Variants in EMCN observed in about 807,000 individuals in gnomAD.
EMCN encodes the protein MUC-14.
In EMCN, 37 loss-of-function variants were observed where a neutral mutation model predicts 38.4. The observed-to-expected ratio is 0.96, with a 90% confidence interval of 0.74 to 1.27. The LOEUF (loss-of-function observed/expected upper bound fraction) is 1.27. Ranked by LOEUF, EMCN falls within the 50% of genes most tolerant of loss-of-function variation. EMCN has a pLI of 0.00. For missense variants in EMCN, 318 were observed against 302.8 expected, an observed-to-expected ratio of 1.05 and a Z score of -0.37; for synonymous variants, 95 against 100.8, an observed-to-expected ratio of 0.94 and a Z score of 0.35.
intron 3 of EMCN, among the ~76,000 whole-genome samples, chr4:100,466,723 T>G (rs1728326910): frequency 1.3e-5 from 2 of 152,136 alleles, no homozygotes; most frequent in South Asian, 4.1e-4. Context: ...GAAGTTGGTA[T>G]TCGTGTTAGC....
At chr4:100,475,658 C>CATTTTTT (rs1728617733) in intron 2 of EMCN, among the ~76,000 whole-genome samples, 2 of 108,092 alleles carry the variant, frequency 1.9e-5, no homozygotes, top group Non-Finnish European at 3.5e-5. Context: ...CAATTCTAGT[C>CATTTTTT]CTTTTTTTTT....
At chr4:100,502,703 G>A (rs1243539355) in intron 1 of EMCN, among the ~76,000 whole-genome samples, 3 of 152,134 alleles carry the variant, frequency 2.0e-5, no homozygotes, top group Non-Finnish European at 4.4e-5. Context: ...TATTATTCAC[G>A]ATGATTGCTA....
At chr4:100,488,619 C>T (rs1044282399) in intron 1 of EMCN, among the ~76,000 whole-genome samples, 1 of 152,120 alleles carries the variant, frequency 6.6e-6, no homozygotes, top group Non-Finnish European at 1.5e-5. Flanking sequence ...AGCTAATTCC[C>T]TTTTAAAGTG....
Position 100,451,308 on chromosome 4 carries a change from G to A in EMCN, c.377-3737C>T, listed in dbSNP as rs183359347. Among the ~76,000 whole-genome samples the A allele has an allele frequency of 3.3e-3, 506 of 151,734 alleles. 6 individuals carry two copies. Among genetic ancestry groups the A allele is most frequent in the African/African-American group, 0.012 (477 of 41,456 alleles). ...TCTCTAGCAACACTCATGAAGTTGT[G>A]GGAAATATCAGGGTAAAATCTAGTA... On this transcript the variant is annotated intron_variant, in intron 4 of 11. Coordinates refer to ENST00000296420, the MANE Select transcript of EMCN (RefSeq NM_016242.4).
chr4:100,503,167 T>G (rs1371539576), intron 1 of EMCN, among the ~76,000 whole-genome samples: 1 of 152,144 alleles, frequency 6.6e-6, no homozygotes, highest in East Asian at 1.9e-4. Flanking sequence ...AACTTCCATG[T>G]GACACCTACT....
Position 100,465,434 on chromosome 4 carries a change from G to A in EMCN, c.365C>T (p.Ser122Phe), listed in dbSNP as rs1430153983. The A allele has an allele frequency of 6.3e-7, 1 of 1,596,944 alleles. No individual in the cohort carries two copies. ...ATCCTCATACTTACTCTTGGGTTTGGAACTTTGTAATGTTGAAACAGCATT... is the reference window on the plus strand; with the variant it reads ...ATCCTCATACTTACTCTTGGGTTTGAAACTTTGTAATGTTGAAACAGCATT... ...LPNAVSTLQS[S>F]KPKTETQSSI... is the part of the protein sequence containing the mutation. Residue 122 changes from serine (S) to phenylalanine (F), a missense_variant, in exon 4 of 12, where the codon TCC becomes TTC. Transcript: ENST00000296420.
intron 4 of EMCN, among the ~76,000 whole-genome samples, chr4:100,455,459 C>T (rs572490476): frequency 2.3e-4 from 35 of 150,284 alleles, no homozygotes; most frequent in African/African-American, 7.3e-4. Flanking sequence ...ATATGAATTT[C>T]GCAGCTTTTA....
chr4:100,451,071 A>G (rs991203707), intron 4 of EMCN, among the ~76,000 whole-genome samples: 1 of 151,842 alleles, frequency 6.6e-6, no homozygotes, highest in African/African-American at 2.4e-5. Flanking sequence ...AAGAACAAGC[A>G]TGTCTCAAGC....
chr4:100,468,372 T>C lies in EMCN; in HGVS notation c.260-2833A>G, dbSNP rs115297218. Among the ~76,000 whole-genome samples, 1,496 of 152,330 alleles carry C rather than the reference T, an allele frequency of 9.8e-3. 25 individuals carry two copies. Among genetic ancestry groups the C allele is most frequent in the African/African-American group, 0.034 (1,410 of 41,570 alleles). On this transcript the variant is annotated intron_variant, in intron 3 of 11. Transcript: ENST00000296420. ...AAACAATAAATCAGGACATTAACTATATTAGGAATCTAATGTGTAGTTACC... is the reference window on the plus strand; with the variant it reads ...AAACAATAAATCAGGACATTAACTACATTAGGAATCTAATGTGTAGTTACC...
intron 10 of EMCN, among the ~76,000 whole-genome samples, chr4:100,414,348 C>CT (rs5860622): frequency 0.059 from 3,522 of 59,710 alleles, 967 homozygotes; most frequent in African/African-American, 0.083. Context: ...TGCTTGAGCA[C>CT]TTTTTTTTTT....
chr4:100,506,831 G>T (rs914890925), intron 1 of EMCN, among the ~76,000 whole-genome samples: 1 of 152,110 alleles, frequency 6.6e-6, no homozygotes. Flanking sequence ...GTAAGCTAAT[G>T]AACCAGTTGA....
intron 4 of EMCN, among the ~76,000 whole-genome samples, chr4:100,462,879 C>G (rs1045302953): frequency 6.6e-6 from 1 of 152,094 alleles, no homozygotes; most frequent in Non-Finnish European, 1.5e-5. Context: ...AAAAAAGAGA[C>G]AATTTATGTT....
At chr4:100,471,505 A>G (rs554263188) in intron 3 of EMCN, among the ~76,000 whole-genome samples, 8 of 152,080 alleles carry the variant, frequency 5.3e-5, no homozygotes, top group African/African-American at 1.7e-4. Context: ...AAATTCTACC[A>G]AATATTTAAA....
At chr4:100,488,971 A>T (rs941214108) in intron 1 of EMCN, among the ~76,000 whole-genome samples, 1 of 152,200 alleles carries the variant, frequency 6.6e-6, no homozygotes, top group Non-Finnish European at 1.5e-5. Context: ...CAAGAAAACA[A>T]GCACATATAA....
At chr4:100,506,166 T>A (rs923263257) in intron 1 of EMCN, among the ~76,000 whole-genome samples, 1 of 152,196 alleles carries the variant, frequency 6.6e-6, no homozygotes, top group African/African-American at 2.4e-5. Flanking sequence ...CTAAGTTAAT[T>A]ATTTATAGTA....
At chr4:100,445,501 T>G (rs1337820146) in intron 5 of EMCN, among the ~76,000 whole-genome samples, 1 of 152,158 alleles carries the variant, frequency 6.6e-6, no homozygotes, top group Non-Finnish European at 1.5e-5. Context: ...GTGTGATATA[T>G]TCAAAGACTG....
At chr4:100,510,666 A>G (rs189778339) in intron 1 of EMCN, among the ~76,000 whole-genome samples, 6 of 152,332 alleles carry the variant, frequency 3.9e-5, no homozygotes, top group Middle Eastern at 3.4e-3. Flanking sequence ...CAAGAACCAC[A>G]TAAGGCAATC....
intron 7 of EMCN, among the ~76,000 whole-genome samples, chr4:100,421,976 A>G (rs1416109345): frequency 2.0e-5 from 3 of 151,818 alleles, no homozygotes; most frequent in African/African-American, 4.8e-5. Context: ...AGTTTTTCAT[A>G]TTTGTATTAA....
At chr4:100,454,364 T>C (rs1030169600) in intron 4 of EMCN, among the ~76,000 whole-genome samples, 1 of 151,990 alleles carries the variant, frequency 6.6e-6, no homozygotes, top group Non-Finnish European at 1.5e-5. Flanking sequence ...CAACTAACAC[T>C]TCTTTTGAAG....
Sources: allele counts gnomAD v4.1 joint callset (sites outside exome capture counted in the v4.1 genomes callset), GRCh38; gene constraint gnomAD v4.1.1; transcripts MANE v1.5; gene names NCBI Gene and HGNC (gene_info 2026-07-23, HGNC 2026-07-21).